Variants in TNFRSF10D observed in about 807,000 individuals in gnomAD.
TNFRSF10D encodes TNF receptor superfamily member 10d.
A neutral mutation model predicts 42.1 loss-of-function variants in TNFRSF10D; 28 were observed. The observed-to-expected ratio is 0.66, with a 90% CI of 0.49 to 0.91. The LOEUF (loss-of-function observed/expected upper bound fraction) is 0.91. Ranked by LOEUF, TNFRSF10D falls within the 40% of genes least tolerant of loss-of-function variation. The probability of loss-of-function intolerance (pLI) is 0.00; values close to 1 mark genes in which losing one functional copy is unlikely to be tolerated. For synonymous variants in TNFRSF10D, 186 were observed against 189.4 expected, an observed-to-expected ratio of 0.98 and a Z score of 0.15; for missense variants, 503 against 486.1, an observed-to-expected ratio of 1.03 and a Z score of -0.33.
Position 23,163,189 on chromosome 8 carries a change from T to G in TNFRSF10D, c.150+597A>C, listed in dbSNP as rs370588214. The stretch of plus-strand genomic sequence containing the variant: ...ATCTCGGCTCACTGCAACCTCCGCC[T>G]CCCGGATTCAAGTGATTCTCCTTCT... On this transcript the variant is annotated intron_variant, in intron 1 of 8. Transcript: ENST00000312584. Among the ~76,000 whole-genome samples the G allele has an allele frequency of 9.0e-5, 12 of 133,836 alleles. No homozygotes were observed. The East Asian group carries it at 3.0e-3, about 34-fold the overall frequency. The allele number at this position is 133,836 out of a possible 152,430, so 87.8% of individuals were successfully genotyped here. A position where few individuals can be genotyped will look rare whatever the true frequency, so the allele number is the denominator to read the frequency against.
In TNFRSF10D at chr8:23,148,484, A is replaced by C; in HGVS notation, c.324T>G (p.Ala108=). The change falls in exon 3 of 9, where the codon GCT becomes GCG. Residue 108 remains alanine, a synonymous_variant. Coordinates refer to ENST00000312584, the MANE Select transcript of TNFRSF10D (RefSeq NM_003840.5). ...PCTEGVDYTI[A]SNNLPSCLLC... ...GCAGGCAAGAAGGCAAATTGTTGGA[A>C]GCAATGGTGTAATCCACACCCTCTG... 6.2e-7 allele frequency: 1 copy of C among 1,611,192 alleles called. No individual in the cohort carries two copies. Among genetic ancestry groups the C allele is most frequent in the East Asian group, 2.2e-5 (1 of 44,790 alleles).
intron 1 of TNFRSF10D, among the ~76,000 whole-genome samples, chr8:23,161,077 G>A (rs1800360991): frequency 6.6e-6 from 1 of 152,238 alleles, no homozygotes; most frequent in Non-Finnish European, 1.5e-5. Context: ...CATGTGCCCT[G>A]GGGATCCAGT....
At chr8:23,140,647 T>A (rs775255710) in intron 7 of TNFRSF10D, among the ~76,000 whole-genome samples, 1 of 152,218 alleles carries the variant, frequency 6.6e-6, no homozygotes, top group African/African-American at 2.4e-5. Context: ...AAAAAATTAT[T>A]GGAAGTAACT....
Position 23,144,767 on chromosome 8 carries a change from C to T in TNFRSF10D, c.769-132G>A, listed in dbSNP as rs144861515. On this transcript the variant is annotated intron_variant, in intron 6 of 8. Transcript: ENST00000312584. The stretch of plus-strand genomic sequence containing the variant: ...CCAGGCAGCTGAGGCTCAGCACATC[C>T]AGGACCCCATGCTGAGGTGGGTCAG... 685 of 1,152,664 alleles carry T rather than the reference C, an allele frequency of 5.9e-4. 5 individuals carry two copies. The East Asian group carries it at 0.016, about 27-fold the overall frequency. 71.4% of individuals were successfully genotyped at this position (1,152,664 alleles called of 1,614,324 possible).
intron 1 of TNFRSF10D, among the ~76,000 whole-genome samples, chr8:23,160,493 G>A (rs531358106): frequency 6.6e-6 from 1 of 152,276 alleles, no homozygotes; most frequent in Non-Finnish European, 1.5e-5. Context: ...CAGAAGGTGA[G>A]GACAAAAATG....
intron 1 of TNFRSF10D, among the ~76,000 whole-genome samples, chr8:23,162,217 G>T (rs114677869): frequency 6.6e-6 from 1 of 152,202 alleles, no homozygotes; most frequent in African/African-American, 2.4e-5. Flanking sequence ...TTGATGGAGG[G>T]ATCAAAGCCT....
rs1268049550 is a variant in TNFRSF10D at position 23,138,274 on chromosome 8, T to C, written c.955-14A>G. 16 of 1,614,032 alleles carry C rather than the reference T, an allele frequency of 9.9e-6. No individual in the cohort carries two copies. Among genetic ancestry groups the C allele is most frequent in the Non-Finnish European group, 1.4e-5 (16 of 1,180,002 alleles). On this transcript the variant is annotated splice_polypyrimidine_tract_variant and intron_variant, in intron 7 of 8. Coordinates refer to ENST00000312584, the MANE Select transcript of TNFRSF10D (RefSeq NM_003840.5). ...TTCTGCCTGTTCCTGTAACACACAGTGGGGAATGCTCTGGTCAGAGTCAGG... is the reference window on the plus strand; with the variant it reads ...TTCTGCCTGTTCCTGTAACACACAGCGGGGAATGCTCTGGTCAGAGTCAGG...
intron 1 of TNFRSF10D, among the ~76,000 whole-genome samples, chr8:23,158,372 C>T (rs149302924): frequency 1.1e-4 from 16 of 152,314 alleles, no homozygotes; most frequent in African/African-American, 2.6e-4. Flanking sequence ...GAGATAGCCA[C>T]GGCAGTTTTC....
At chr8:23,156,365 C>G (rs1335814934) in intron 1 of TNFRSF10D, among the ~76,000 whole-genome samples, 1 of 151,706 alleles carries the variant, frequency 6.6e-6, no homozygotes, top group East Asian at 1.9e-4. Context: ...CTACCTGGCT[C>G]TCAGCAAGAC....
chr8:23,148,495 A>G lies in TNFRSF10D; in HGVS notation c.313T>C (p.Tyr105His). ...GGCAAATTGTTGGAAGCAATGGTGT[A>G]ATCCACACCCTCTGTGCACGGGTTA... ...ACNPCTEGVD[Y>H]TIASNNLPSC... Residue 105 changes from tyrosine (Y) to histidine (H), a missense_variant, in exon 3 of 9, where the codon TAC becomes CAC. Physicochemically the swap from Tyr to His is moderately conservative, Grantham distance 83. Coordinates refer to ENST00000312584, the MANE Select transcript of TNFRSF10D (RefSeq NM_003840.5). 6 of 1,611,330 alleles carry G rather than the reference A, an allele frequency of 3.7e-6. No individual in the cohort carries two copies. The highest frequency in any genetic ancestry group is 5.1e-6 in the Non-Finnish European group (6 of 1,178,148).
At chr8:23,149,585 A>G (rs1207850819) in intron 2 of TNFRSF10D, among the ~76,000 whole-genome samples, 1 of 151,848 alleles carries the variant, frequency 6.6e-6, no homozygotes, top group Non-Finnish European at 1.5e-5. Flanking sequence ...ATAACAAAAT[A>G]AAATCCAACC....
Position 23,136,133 on chromosome 8 carries a change from C to A in TNFRSF10D, c.*1737G>T. Reference sequence around the variant, plus strand: ...TGCCTTGAGATGGAAAAGACTGAAACCCCTAGAATGACTATATCCGTAATT... The same window carrying A: ...TGCCTTGAGATGGAAAAGACTGAAAACCCTAGAATGACTATATCCGTAATT... On this transcript the variant is annotated 3_prime_UTR_variant, in exon 9 of 9. Transcript: ENST00000312584. 1 of 309,904 alleles carries A rather than the reference C, an allele frequency of 3.2e-6. No individual in the cohort carries two copies. The highest frequency in any genetic ancestry group is 2.9e-5 in the South Asian group (1 of 34,394). The allele number at this position is 309,904 out of a possible 1,614,324, so 19.2% of individuals were successfully genotyped here. A position where few individuals can be genotyped will look rare whatever the true frequency, so the allele number is the denominator to read the frequency against.
At chr8:23,154,670 A>T (rs1290766450) in intron 2 of TNFRSF10D, among the ~76,000 whole-genome samples, 2 of 152,232 alleles carry the variant, frequency 1.3e-5, no homozygotes, top group Non-Finnish European at 2.9e-5. Flanking sequence ...GGCTTATCCC[A>T]GGGCTCTGTA....
Position 23,137,938 on chromosome 8 carries a change from G to A in TNFRSF10D, c.1093C>T (p.Gln365Ter), listed in dbSNP as rs1814364968. ...AAGAGCTTTTCGGAGCCCACCAGTT[G>A]GTCCTGAATTGTTTCCTTTGCATGT... ...EGHAKETIQDQLVGSEKLFYE... is the reference protein window; with the variant it reads ...EGHAKETIQD The change falls in exon 9 of 9, where the codon CAA becomes TAA. Residue 365 changes from glutamine to a stop codon, truncating the protein, a stop_gained. Coordinates refer to ENST00000312584, the MANE Select transcript of TNFRSF10D (RefSeq NM_003840.5). LOFTEE classifies it low-confidence loss of function (END_TRUNC). 2 of 1,614,200 alleles carry A rather than the reference G, an allele frequency of 1.2e-6. No individual in the cohort carries two copies. The highest frequency in any genetic ancestry group is 2.2e-5 in the South Asian group (2 of 91,080).
intron 1 of TNFRSF10D, among the ~76,000 whole-genome samples, chr8:23,163,364 A>G (rs993021109): frequency 6.6e-6 from 1 of 152,152 alleles, no homozygotes; most frequent in Non-Finnish European, 1.5e-5. Flanking sequence ...CGGCCTCCCA[A>G]CGTGCTGGGA....
At chr8:23,161,395 A>G (rs960626878) in intron 1 of TNFRSF10D, among the ~76,000 whole-genome samples, 1 of 152,248 alleles carries the variant, frequency 6.6e-6, no homozygotes, top group African/African-American at 2.4e-5. Flanking sequence ...AGATTGGAAC[A>G]GTCCAACGCT....
chr8:23,142,659 C>A (rs986354940), intron 7 of TNFRSF10D, among the ~76,000 whole-genome samples: 1 of 152,074 alleles, frequency 6.6e-6, no homozygotes, highest in Non-Finnish European at 1.5e-5. Flanking sequence ...GTGCCCACAA[C>A]CTGGATAAAA....
intron 7 of TNFRSF10D, among the ~76,000 whole-genome samples, chr8:23,144,235 C>A (rs1800074992): frequency 6.6e-6 from 1 of 152,204 alleles, no homozygotes; most frequent in Non-Finnish European, 1.5e-5. Flanking sequence ...GCTCTGGGGA[C>A]ACAGCAAGGA....
At chr8:23,148,577 A>C (rs771817645) in intron 2 of TNFRSF10D, 26 bp from the exon 3 acceptor site, 1 of 1,547,096 alleles carries the variant, frequency 6.5e-7, no homozygotes, top group Non-Finnish European at 8.9e-7. Flanking sequence ...AAAGTTAATG[A>C]ATGAGTCACC....
Sources: gnomAD v4.1 joint callset for allele counts (sites outside exome capture counted in the v4.1 genomes callset) on GRCh38, gnomAD v4.1.1 for gene constraint, MANE v1.5 for transcripts, NCBI Gene and HGNC (gene_info 2026-07-23, HGNC 2026-07-21) for gene names.